Variants in LUZP2 observed in about 807,000 individuals in gnomAD.
LUZP2 encodes the protein leucine zipper protein 2.
LUZP2 carries 52 observed loss-of-function variants against 51.6 expected under a neutral mutation model. The observed-to-expected ratio is 1.01, with a 90% CI of 0.81 to 1.27. LUZP2 has a LOEUF of 1.27. LUZP2 is among the 50% of genes most tolerant of loss of function. The pLI, the probability that LUZP2 is intolerant of heterozygous loss-of-function variation, is 0.00. For synonymous variants in LUZP2, 154 were observed against 137.3 expected, an observed-to-expected ratio of 1.12 and a Z score of -0.85; for missense variants, 436 against 395.4, an observed-to-expected ratio of 1.10 and a Z score of -0.87.
chr11:24,776,692 T>C (rs1248033116), intron 5 of LUZP2, among the ~76,000 whole-genome samples: 2 of 152,166 alleles, frequency 1.3e-5, no homozygotes, highest in Non-Finnish European at 2.9e-5. Context: ...TCCAAACATA[T>C]TGAGGATCTT....
At chr11:24,981,705 T>A (rs1017903162) in intron 8 of LUZP2, among the ~76,000 whole-genome samples, 6 of 151,732 alleles carry the variant, frequency 4.0e-5, no homozygotes, top group Non-Finnish European at 8.8e-5. Context: ...GGAAATCGAG[T>A]AGAGATATAG....
chr11:24,937,911 A>AAAAG (rs1477954336), intron 7 of LUZP2, among the ~76,000 whole-genome samples: 3 of 151,800 alleles, frequency 2.0e-5, no homozygotes, highest in Non-Finnish European at 4.4e-5. Flanking sequence ...AAAAAAAAAA[A>AAAAG]AAAGAAAGAA....
chr11:24,595,372 C>G (rs915055133), intron 1 of LUZP2, among the ~76,000 whole-genome samples: 6 of 152,082 alleles, frequency 3.9e-5, no homozygotes, highest in African/African-American at 1.4e-4. Flanking sequence ...CACTGGGGAA[C>G]TAATTGGTAT....
intron 1 of LUZP2, among the ~76,000 whole-genome samples, chr11:24,564,583 G>A (rs1459878932): frequency 1.3e-5 from 2 of 152,080 alleles, no homozygotes; most frequent in Non-Finnish European, 2.9e-5. Context: ...CAGCACATTT[G>A]TATGCCCCAA....
intron 1 of LUZP2, among the ~76,000 whole-genome samples, chr11:24,674,232 C>T (rs565764699): frequency 6.6e-6 from 1 of 152,126 alleles, no homozygotes; most frequent in Admixed American, 6.6e-5. Context: ...AGTTCAAATG[C>T]CTGTCATGTG....
rs1854304982 is a variant in LUZP2, at chr11:24,616,825, A to T, written c.63-112344A>T. ...CATATGCAGGTCTACCTCTATAAAA[A>T]TGTTCCTAAGATTTTGATAGGAATT... On this transcript the variant is annotated intron_variant, in intron 1 of 11. Coordinates refer to ENST00000336930, the MANE Select transcript of LUZP2 (RefSeq NM_001009909.4). Among the ~76,000 whole-genome samples the T allele has an allele frequency of 3.3e-5, 5 of 152,246 alleles. 1 individual carries two copies. The South Asian group carries it at 1.0e-3, about 32-fold the overall frequency.
At chr11:24,547,661 C>G (rs1016728627) in intron 1 of LUZP2, among the ~76,000 whole-genome samples, 3 of 151,186 alleles carry the variant, frequency 2.0e-5, no homozygotes, top group African/African-American at 7.3e-5. Context: ...GACATAGGCC[C>G]TGGTAAAACC....
chr11:24,591,005 G>C (rs1853239167), intron 1 of LUZP2, among the ~76,000 whole-genome samples: 1 of 152,140 alleles, frequency 6.6e-6, no homozygotes, highest in Non-Finnish European at 1.5e-5. Context: ...CAGTGCTTTG[G>C]AGGCTGAGGA....
chr11:25,028,882 T>A (rs1857570570), intron 9 of LUZP2, among the ~76,000 whole-genome samples: 1 of 152,156 alleles, frequency 6.6e-6, no homozygotes, highest in Non-Finnish European at 1.5e-5. Context: ...TCATTTTGCT[T>A]ATTTGGAAAC....
chr11:24,940,048 AC>A (rs2133847733), intron 7 of LUZP2, among the ~76,000 whole-genome samples: 1 of 151,500 alleles, frequency 6.6e-6, no homozygotes, highest in South Asian at 2.1e-4. Flanking sequence ...ACTGGTTACC[AC>A]CTTAAGTGTC....
intron 4 of LUZP2, among the ~76,000 whole-genome samples, chr11:24,755,985 G>A (rs954242951): frequency 6.6e-6 from 1 of 152,004 alleles, no homozygotes; most frequent in Non-Finnish European, 1.5e-5. Flanking sequence ...GGCCTGATAA[G>A]AGACGTTTGC....
At chr11:24,977,834 A>G (rs993979625) in intron 8 of LUZP2, among the ~76,000 whole-genome samples, 4 of 150,970 alleles carry the variant, frequency 2.6e-5, no homozygotes, top group Non-Finnish European at 5.9e-5. Flanking sequence ...CTTAATTCAG[A>G]TAGATATTTA....
chr11:24,896,473 A>G (rs1853058672), intron 5 of LUZP2, among the ~76,000 whole-genome samples: 1 of 152,236 alleles, frequency 6.6e-6, no homozygotes. Flanking sequence ...CCCCAGCACC[A>G]CCGGCCCACC....
At chr11:24,581,815 A>G (rs1852866543) in intron 1 of LUZP2, among the ~76,000 whole-genome samples, 1 of 152,210 alleles carries the variant, frequency 6.6e-6, no homozygotes, top group East Asian at 1.9e-4. Flanking sequence ...AACTCTCACA[A>G]CAAAGTTAGC....
chr11:24,849,973 TG>T (rs1366193684), intron 5 of LUZP2, among the ~76,000 whole-genome samples: 1 of 152,210 alleles, frequency 6.6e-6, no homozygotes, highest in African/African-American at 2.4e-5. Context: ...TTGATGGGGT[TG>T]TTTTTTTCTT....
intron 9 of LUZP2, among the ~76,000 whole-genome samples, chr11:25,006,655 C>A (rs117798895): frequency 6.6e-6 from 1 of 152,090 alleles, no homozygotes; most frequent in African/African-American, 2.4e-5. Context: ...GAATAGCAAG[C>A]GAAAGGAGTC....
Position 24,729,193 on chromosome 11 carries a change from G to A in LUZP2, c.87G>A (p.Lys29=). Residue 29 remains lysine, a synonymous_variant, in exon 2 of 12, where the codon AAG becomes AAA. Transcript: ENST00000336930. Reference sequence around the variant, plus strand: ...GACAGGACTATGAAGAGCTAGAAAAGCAGCTGAAAGAAGTCTTTAAGGAGC... The same window carrying A: ...GACAGGACTATGAAGAGCTAGAAAAACAGCTGAAAGAAGTCTTTAAGGAGC... ...STRQDYEELE[K]QLKEVFKERS... The A allele has an allele frequency of 6.4e-7, 1 of 1,572,574 alleles. No homozygotes were observed. Among genetic ancestry groups the A allele is most frequent in the Non-Finnish European group, 8.7e-7 (1 of 1,152,402 alleles).
chr11:24,943,088 C>T (rs1854799671), intron 7 of LUZP2, among the ~76,000 whole-genome samples: 1 of 152,124 alleles, frequency 6.6e-6, no homozygotes, highest in African/African-American at 2.4e-5. Flanking sequence ...CCATATAAAG[C>T]TCCTTTGATT....
chr11:24,539,558 C>T lies in LUZP2; in HGVS notation c.62+42253C>T, dbSNP rs76474902. On this transcript the variant is annotated intron_variant, in intron 1 of 11. Coordinates refer to ENST00000336930, the MANE Select transcript of LUZP2 (RefSeq NM_001009909.4). ...ATAAATACTCTCCTCCTCCCCTTAC[C>T]GATTTTGATGAAAATATGCCAGGAA... Among the ~76,000 whole-genome samples the T allele has an allele frequency of 8.0e-3, 1,213 of 151,982 alleles. 15 individuals carry two copies. Among genetic ancestry groups the T allele is most frequent in the African/African-American group, 0.027 (1,135 of 41,490 alleles).
Sources: gnomAD v4.1 joint callset for allele counts (sites outside exome capture counted in the v4.1 genomes callset) on GRCh38, gnomAD v4.1.1 for gene constraint, MANE v1.5 for transcripts, NCBI Gene and HGNC (gene_info 2026-07-23, HGNC 2026-07-21) for gene names.